OR56A3: variants seen among roughly 807,000 people sequenced by gnomAD.
OR56A3 encodes olfactory receptor 56A3.
In OR56A3, 23 loss-of-function variants were observed where a neutral mutation model predicts 17.5. The ratio of observed to expected loss-of-function variants is 1.32; its 90% CI spans 0.95 to 1.87. The LOEUF is 1.87. Ranked by LOEUF, OR56A3 falls within the 40% of genes most tolerant of loss-of-function variation. OR56A3 has a pLI of 0.00. For synonymous variants in OR56A3, 175 were observed against 150.6 expected, an observed-to-expected ratio of 1.16 and a Z score of -1.19; for missense variants, 366 against 380.1, an observed-to-expected ratio of 0.96 and a Z score of 0.31.
At chr11:5,967,696 C>G in the OR56A3 span, 3 of 1,613,308 alleles carry the variant, frequency 1.9e-6, no homozygotes, top group Admixed American at 1.7e-5. Flanking sequence ...CTCTTCCTGG[C>G]CAGGTTAGTG....
the OR56A3 span, among the ~76,000 whole-genome samples, chr11:5,972,656 G>T: frequency 1.3e-5 from 2 of 152,186 alleles, no homozygotes; most frequent in Non-Finnish European, 2.9e-5. Flanking sequence ...CTAAGTTAAA[G>T]GTTCCCATGA....
the OR56A3 span, chr11:6,002,269 T>C: frequency 1.2e-5 from 19 of 1,614,076 alleles, no homozygotes; most frequent in East Asian, 3.6e-4. Flanking sequence ...CCACACGTGC[T>C]CAAGGCCTTG....
chr11:5,988,221 T>C, the OR56A3 span, among the ~76,000 whole-genome samples: 1 of 152,222 alleles, frequency 6.6e-6, no homozygotes, highest in Non-Finnish European at 1.5e-5. Flanking sequence ...CAGATGAATA[T>C]TGATTATGTT....
chr11:5,982,585 A>G, the OR56A3 span, among the ~76,000 whole-genome samples: 1 of 152,140 alleles, frequency 6.6e-6, no homozygotes, highest in Non-Finnish European at 1.5e-5. Context: ...TCGCACAGGC[A>G]AGATATCCCT....
At chr11:5,990,691 G>T in the OR56A3 span, among the ~76,000 whole-genome samples, 6 of 152,090 alleles carry the variant, frequency 3.9e-5, no homozygotes, top group African/African-American at 1.2e-4. Flanking sequence ...CCATGACAAT[G>T]ACCTAATAAA....
the OR56A3 span, among the ~76,000 whole-genome samples, chr11:5,998,061 G>C: frequency 6.6e-6 from 1 of 152,162 alleles, no homozygotes; most frequent in South Asian, 2.1e-4. Flanking sequence ...AGGATGCTGA[G>C]ACACAATCCT....
chr11:5,979,332 T>C, the OR56A3 span, among the ~76,000 whole-genome samples: 1 of 151,874 alleles, frequency 6.6e-6, no homozygotes, highest in East Asian at 1.9e-4. Flanking sequence ...AATTCATCTG[T>C]GAGTCCATAT....
chr11:5,999,697 G>C, the OR56A3 span: 1 of 152,226 alleles, frequency 6.6e-6, no homozygotes, highest in South Asian at 2.1e-4. Context: ...TGAGAGATGA[G>C]AGATCACTTA....
chr11:5,947,975 T>C lies in OR56A3; in HGVS notation c.629T>C (p.Leu210Pro). Residue 210 changes from leucine to proline, a missense_variant, in exon 3 of 3, where the codon CTG (leucine) becomes CCG (proline). By Grantham distance (98) the Leu-to-Pro change is moderately conservative. Coordinates refer to ENST00000641160, the MANE Select transcript of OR56A3 (RefSeq NM_001003443.3). ...HLYQFAGGWT[L>P]LGSDLILIFL... is the part of the protein sequence containing the mutation. ...TACCAATTTGCTGGAGGCTGGACTC[T>C]GCTAGGATCTGACCTCATCCTTATC... 1 of 1,614,230 alleles carries C rather than the reference T, an allele frequency of 6.2e-7. No homozygotes were observed. The highest frequency in any genetic ancestry group is 1.1e-5 in the South Asian group (1 of 91,090).
chr11:5,984,855 C>A, the OR56A3 span, among the ~76,000 whole-genome samples: 40 of 152,330 alleles, frequency 2.6e-4, no homozygotes, highest in South Asian at 1.0e-3. Context: ...GAGCATCTTA[C>A]ATCAAAGTAG....
chr11:5,943,907 A>G (rs1847853965), intron 1 of OR56A3, among the ~76,000 whole-genome samples: 1 of 152,234 alleles, frequency 6.6e-6, no homozygotes, highest in South Asian at 2.1e-4. Flanking sequence ...AACAGCCTAT[A>G]GTTGTACTTG....
chr11:5,977,674 T>C, the OR56A3 span, among the ~76,000 whole-genome samples: 1 of 152,246 alleles, frequency 6.6e-6, no homozygotes, highest in Non-Finnish European at 1.5e-5. Context: ...ATCTGTTTAC[T>C]GTATTGATAA....
At chr11:5,994,334 G>A in the OR56A3 span, 4 of 678,238 alleles carry the variant, frequency 5.9e-6, no homozygotes, top group South Asian at 1.4e-5. Flanking sequence ...CCACTGTGGT[G>A]CTCTCCTCAA....
Position 5,948,005 on chromosome 11 carries a change from T to A in OR56A3, c.659T>A (p.Leu220His), listed in dbSNP as rs548220518. 1 of 1,614,188 alleles carries A rather than the reference T, an allele frequency of 6.2e-7. No individual in the cohort carries two copies. The highest frequency in any genetic ancestry group is 2.2e-5 in the East Asian group (1 of 44,884). ...LLGSDLILIF[L>H]SYTFILRAVL... Reference sequence around the variant, plus strand: ...GGATCTGACCTCATCCTTATCTTCCTCTCCTACACCTTCATTCTGCGAGCT... The same window carrying A: ...GGATCTGACCTCATCCTTATCTTCCACTCCTACACCTTCATTCTGCGAGCT... The change falls in exon 3 of 3, where the codon CTC becomes CAC. Residue 220 changes from leucine to histidine, a missense_variant. Transcript: ENST00000641160.
chr11:5,967,439 A>C, the OR56A3 span: 1 of 781,778 alleles, frequency 1.3e-6, no homozygotes. Context: ...ACACTGAAGA[A>C]AGCCAAGTCT....
chr11:5,960,102 T>A, the OR56A3 span, among the ~76,000 whole-genome samples: 9 of 152,224 alleles, frequency 5.9e-5, no homozygotes, highest in African/African-American at 2.2e-4. Flanking sequence ...GGAAGTGTGA[T>A]GCCTTCATTT....
At chr11:5,985,990 G>A in the OR56A3 span, 1 of 1,612,352 alleles carries the variant, frequency 6.2e-7, no homozygotes, top group African/African-American at 1.3e-5. Context: ...GATCTGCTGA[G>A]TCTTCACTCC....
At chr11:5,992,645 C>G in the OR56A3 span, among the ~76,000 whole-genome samples, 1 of 152,160 alleles carries the variant, frequency 6.6e-6, no homozygotes, top group South Asian at 2.1e-4. Context: ...AACCCCCTTG[C>G]CATGGTGCAT....
chr11:5,991,460 C>G, the OR56A3 span, among the ~76,000 whole-genome samples: 32 of 152,180 alleles, frequency 2.1e-4, no homozygotes, highest in African/African-American at 7.7e-4. Context: ...CATAGAAGAG[C>G]CTCCATGTCC....
Sources: allele counts gnomAD v4.1 joint callset (sites outside exome capture counted in the v4.1 genomes callset), GRCh38; gene constraint gnomAD v4.1.1; transcripts MANE v1.5; gene names NCBI Gene and HGNC (gene_info 2026-07-23, HGNC 2026-07-21).